KMT2C: variants seen among roughly 807,000 people sequenced by gnomAD.
The protein encoded by KMT2C is histone-lysine N-methyltransferase 2C.
Under a neutral mutation model 507.9 loss-of-function variants are expected in KMT2C, and 88 were observed. The ratio of observed to expected loss-of-function variants is 0.17; its 90% CI spans 0.15 to 0.21. The LOEUF is 0.21. KMT2C is among the 10% of genes least tolerant of loss of function. KMT2C has a pLI of 1.00. For missense variants in KMT2C, 4,954 were observed against 5,957.8 expected (o/e 0.83, Z 5.55); for synonymous variants, 2,049 against 2,080.8 (o/e 0.98, Z 0.42).
intron 1 of KMT2C, 44 bp from the exon 2 acceptor site, chr7:152,358,719 TA>T: frequency 7.8e-7 from 1 of 1,284,300 alleles, no homozygotes; most frequent in Non-Finnish European, 1.1e-6. Context: ...AGTTAAATGT[TA>T]AATTTTAAGG....
At chr7:152,199,979 G>A (rs2094082243) in intron 26 of KMT2C, among the ~76,000 whole-genome samples, 2 of 152,044 alleles carry the variant, frequency 1.3e-5, no homozygotes, top group Admixed American at 6.6e-5. Context: ...TATTTATTTA[G>A]GCATATTAAC....
At chr7:152,317,970 T>C (rs1416424639) in intron 3 of KMT2C, among the ~76,000 whole-genome samples, 1 of 151,552 alleles carries the variant, frequency 6.6e-6, no homozygotes, top group African/African-American at 2.4e-5. Flanking sequence ...AAACCCCGTC[T>C]CTACTAAAAA....
chr7:152,167,962 G>A (rs1473617603), intron 41 of KMT2C, among the ~76,000 whole-genome samples: 1 of 152,118 alleles, frequency 6.6e-6, no homozygotes, highest in Non-Finnish European at 1.5e-5. Flanking sequence ...TGAAAACATT[G>A]GTAATTATTA....
At chr7:152,147,995 T>G (rs770838626) in intron 52 of KMT2C, 38 bp downstream of exon 52, 1 of 1,503,616 alleles carries the variant, frequency 6.7e-7, no homozygotes, top group East Asian at 2.3e-5. Flanking sequence ...GACATCAGAG[T>G]AAGTAGCACT....
At chr7:152,141,883 A>ATTGTAT (rs2090602724) in intron 55 of KMT2C, among the ~76,000 whole-genome samples, 1 of 152,112 alleles carries the variant, frequency 6.6e-6, no homozygotes, top group Admixed American at 6.5e-5. Context: ...TTAGCCAAGT[A>ATTGTAT]TTGTGGCATG....
intron 2 of KMT2C, among the ~76,000 whole-genome samples, chr7:152,337,839 C>T (rs2096951688): frequency 6.6e-6 from 1 of 151,744 alleles, no homozygotes; most frequent in Non-Finnish European, 1.5e-5. Context: ...ACTTGTCCAC[C>T]TCACTTATAC....
intron 1 of KMT2C, among the ~76,000 whole-genome samples, chr7:152,368,898 TC>T (rs2097269425): frequency 6.6e-6 from 1 of 152,226 alleles, no homozygotes; most frequent in Non-Finnish European, 1.5e-5. Context: ...ATTTTCTTTT[TC>T]TTTTTTTTAT....
chr7:152,147,997 A>C, intron 52 of KMT2C, 36 bp downstream of exon 52: 1 of 1,521,238 alleles, frequency 6.6e-7, no homozygotes, highest in Non-Finnish European at 8.8e-7. Flanking sequence ...CATCAGAGTA[A>C]GTAGCACTGC....
intron 46 of KMT2C, 87 bp downstream of exon 46, chr7:152,155,823 C>G (rs1016023840): frequency 1.6e-6 from 2 of 1,286,948 alleles, no homozygotes; most frequent in Non-Finnish European, 2.1e-6. Flanking sequence ...ACATGCTATT[C>G]CTAAAGACAT....
At chr7:152,239,048 T>C in intron 14 of KMT2C, 1 of 407,600 alleles carries the variant, frequency 2.5e-6, no homozygotes, top group Non-Finnish European at 4.4e-6. Flanking sequence ...AAATATTTTA[T>C]TCTGCCTGAG....
chr7:152,183,571 G>A (rs551135734), intron 34 of KMT2C, among the ~76,000 whole-genome samples: 33 of 152,202 alleles, frequency 2.2e-4, no homozygotes, highest in Admixed American at 6.5e-4. Context: ...AGATCAGCCT[G>A]ACCAACATGG....
chr7:152,417,387 G>C (rs1291279462), intron 1 of KMT2C, among the ~76,000 whole-genome samples: 4 of 152,130 alleles, frequency 2.6e-5, no homozygotes, highest in Non-Finnish European at 4.4e-5. Flanking sequence ...CAAAGTGCTA[G>C]AATTACAGGC....
At position 152,136,069 on chromosome 7, in the gene KMT2C, T is replaced by G. The variant is rs1290595143; in HGVS notation, c.*763A>C. 4.6e-6 allele frequency: 1 copy of G among 218,870 alleles called. No individual in the cohort carries two copies. The highest frequency in any genetic ancestry group is 9.2e-6 in the Non-Finnish European group (1 of 108,834). 13.6% of individuals were successfully genotyped at this position (218,870 alleles called of 1,614,324 possible). The stretch of plus-strand genomic sequence containing the variant: ...TATTTTTTCTCAAAATATTTACATA[T>G]CTGTACAAAGTAACAGGGTTTGTTA... On this transcript the variant is annotated 3_prime_UTR_variant, in exon 59 of 59. Coordinates refer to ENST00000262189, the MANE Select transcript of KMT2C (RefSeq NM_170606.3).
intron 2 of KMT2C, among the ~76,000 whole-genome samples, chr7:152,346,019 G>T (rs888582359): frequency 6.6e-6 from 1 of 152,120 alleles, no homozygotes; most frequent in Non-Finnish European, 1.5e-5. Context: ...CAGGAATAAA[G>T]AAAGGCATTT....
intron 9 of KMT2C, among the ~76,000 whole-genome samples, chr7:152,259,446 G>GCGCGCACACACACACACACA (rs1188729137): frequency 7.4e-6 from 1 of 134,688 alleles, no homozygotes; most frequent in African/African-American, 2.8e-5. Context: ...ACACACACGC[G>GCGCGCACACACACACACACA]CACACACACA....
At chr7:152,385,158 T>C (rs2097412446) in intron 1 of KMT2C, among the ~76,000 whole-genome samples, 1 of 152,174 alleles carries the variant, frequency 6.6e-6, no homozygotes, top group South Asian at 2.1e-4. Flanking sequence ...AAACCTGGTA[T>C]TGAATCTCAG....
rs552048274 is a variant in KMT2C, at chr7:152,311,949, G to GAAAAT, written c.591-8_591-4dup. On this transcript the variant is annotated splice_region_variant and splice_polypyrimidine_tract_variant and intron_variant, in intron 4 of 58. Coordinates refer to ENST00000262189, the MANE Select transcript of KMT2C (RefSeq NM_170606.3). ...TATTCTGCTGAGGAGATCGTTCTCTGAAAATAAAATAAAATAACTGTGAAA... is the reference window on the plus strand; with the variant it reads ...TATTCTGCTGAGGAGATCGTTCTCTGAAAATAAAATAAAATAAAATAACTGTGAAA... The GAAAAT allele has an allele frequency of 4.6e-6, 7 of 1,533,712 alleles. No individual in the cohort carries two copies. The East Asian group carries it at 1.2e-4, about 25-fold the overall frequency.
At position 152,182,102 on chromosome 7, in the gene KMT2C, C is replaced by A. The variant is rs778087669; in HGVS notation, c.5758G>T (p.Ala1920Ser). ...GGTGTACAGTTTTCCACTGGTGCAG[C>A]AGAATTTCTTCTGGAAAAACTATGG... ...VGHSFSRRNSAAPVENCTPLS... is the reference protein window; with the variant it reads ...VGHSFSRRNSSAPVENCTPLS... Residue 1920 changes from alanine to serine, a missense_variant, in exon 36 of 59, where the codon GCT (alanine) becomes TCT (serine). Ala to Ser is a moderately conservative substitution (Grantham distance 99). Around this residue, in one of 29 missense-constraint regions of KMT2C, gnomAD observed 1,689 missense variants for 1,654.3 expected, o/e 1.02. Transcript: ENST00000262189. 1 of 1,614,198 alleles carries A rather than the reference C, an allele frequency of 6.2e-7. No individual in the cohort carries two copies. Among genetic ancestry groups the A allele is most frequent in the African/African-American group, 1.3e-5 (1 of 75,042 alleles).
intron 23 of KMT2C, among the ~76,000 whole-genome samples, chr7:152,208,442 T>C (rs966440395): frequency 6.6e-6 from 1 of 152,242 alleles, no homozygotes. Flanking sequence ...TTTATTTTTA[T>C]TGGTTCTTTA....
Sources: gnomAD v4.1 joint callset for allele counts (sites outside exome capture counted in the v4.1 genomes callset) on GRCh38, gnomAD v4.1.1 for gene constraint, gnomAD v4.1.1 regional missense constraint, MANE v1.5 for transcripts, NCBI Gene and HGNC (gene_info 2026-07-23, HGNC 2026-07-21) for gene names.